Variants in IL7 observed in about 807,000 individuals in gnomAD.
The protein encoded by IL7 is interleukin-7.
Under a neutral mutation model 21.6 loss-of-function variants are expected in IL7, and 3 were observed. The ratio of observed to expected loss-of-function variants is 0.14; its 90% CI spans 0.06 to 0.36. IL7 has a LOEUF of 0.36. IL7 is among the 10% of genes least tolerant of loss of function. The probability of loss-of-function intolerance (pLI) is 1.00; values close to 1 mark genes in which losing one functional copy is unlikely to be tolerated. For synonymous variants in IL7, 62 were observed against 68.1 expected (o/e 0.91, Z 0.44); for missense variants, 175 against 200.2 (o/e 0.87, Z 0.76).
At chr8:78,714,001 ACT>A (rs778305975), downstream of IL7, among the ~76,000 whole-genome samples, 1 of 152,096 alleles carries the variant, frequency 6.6e-6, no homozygotes, top group Non-Finnish European at 1.5e-5. Context: ...ATTTTAGGGT[ACT>A]CTCTCCTACT....
downstream of IL7, among the ~76,000 whole-genome samples, chr8:78,731,618 A>G (rs1200880333): frequency 2.0e-5 from 3 of 152,066 alleles, no homozygotes; most frequent in Admixed American, 1.3e-4. Flanking sequence ...GCATTTAAAT[A>G]TATATTTAAA....
intron 3 of IL7, among the ~76,000 whole-genome samples, chr8:78,687,873 A>T (rs1260567116): frequency 7.5e-6 from 1 of 134,206 alleles, no homozygotes; most frequent in Non-Finnish European, 1.6e-5. Context: ...TCTATATAAT[A>T]AATATATATT....
chr8:78,678,460 ATTTGGTCTCAGAT>A (rs1809656325), intron 4 of IL7: 2 of 805,750 alleles, frequency 2.5e-6, no homozygotes, highest in African/African-American at 3.5e-5. Context: ...CAGGTTTTTC[ATTTGGTCTCAGAT>A]TTTTAAACTG....
chr8:78,775,065 T>C (rs1813088159), intron 2 of IL7, among the ~76,000 whole-genome samples: 1 of 152,162 alleles, frequency 6.6e-6, no homozygotes, highest in African/African-American at 2.4e-5. Flanking sequence ...CATTTATTTT[T>C]CTGGAGGTAA....
intron 2 of IL7, among the ~76,000 whole-genome samples, chr8:78,764,454 G>A (rs926072352): frequency 7.1e-4 from 108 of 152,022 alleles, no homozygotes; most frequent in Non-Finnish European, 7.4e-5. Context: ...TGGTAAAAAA[G>A]TCTCTGATAA....
intron 4 of IL7, among the ~76,000 whole-genome samples, chr8:78,682,122 A>T (rs547892453): frequency 6.6e-6 from 1 of 152,240 alleles, no homozygotes; most frequent in South Asian, 2.1e-4. Context: ...TAGTAGGAAT[A>T]GTTGGGTATC....
At chr8:78,717,939 T>G (rs1302460175) in exon 7 of IL7, 1 of 152,936 alleles carries the variant, frequency 6.5e-6, no homozygotes, top group African/African-American at 2.4e-5. Flanking sequence ...GTAGGATAGA[T>G]GCTGGGAATT....
intron 2 of IL7, among the ~76,000 whole-genome samples, chr8:78,775,902 T>C (rs1013020344): frequency 6.6e-6 from 1 of 152,004 alleles, no homozygotes; most frequent in East Asian, 1.9e-4. Context: ...TAAATAAATA[T>C]TTAGTGGTTA....
At chr8:78,728,756 C>T (rs1363556303), downstream of IL7, among the ~76,000 whole-genome samples, 1 of 151,930 alleles carries the variant, frequency 6.6e-6, no homozygotes, top group Non-Finnish European at 1.5e-5. Context: ...TCACTGGCAT[C>T]TAATGGGTGC....
intron 5 of IL7, among the ~76,000 whole-genome samples, chr8:78,720,442 TACTC>T (rs1435068282): frequency 6.6e-6 from 1 of 151,858 alleles, no homozygotes; most frequent in African/African-American, 2.4e-5. Flanking sequence ...AGTTAAATGT[TACTC>T]AATGCTCCTC....
intron 1 of IL7, 88 bp from the exon 2 acceptor site, chr8:78,798,296 C>A (rs1813931097): frequency 2.3e-6 from 2 of 876,162 alleles, no homozygotes; most frequent in East Asian, 2.7e-5. Flanking sequence ...CCACTAATTT[C>A]TAATAATTTT....
At chr8:78,693,567 T>A (rs372171112) in intron 3 of IL7, among the ~76,000 whole-genome samples, 3 of 152,114 alleles carry the variant, frequency 2.0e-5, no homozygotes, top group Non-Finnish European at 4.4e-5. Context: ...TTGCCCACTT[T>A]TTGATGGGGT....
intron 3 of IL7, among the ~76,000 whole-genome samples, chr8:78,706,376 G>A (rs551691855): frequency 1.3e-5 from 2 of 152,228 alleles, no homozygotes; most frequent in East Asian, 3.9e-4. Context: ...GGAGTTCCTG[G>A]GTCTTTGCCT....
chr8:78,730,615 G>C (rs987828440), downstream of IL7, among the ~76,000 whole-genome samples: 1 of 151,866 alleles, frequency 6.6e-6, no homozygotes, highest in Admixed American at 6.6e-5. Context: ...AATTATTGTA[G>C]AAATGTGTTT....
chr8:78,733,266 A>T lies in IL7; in HGVS notation c.*447T>A, dbSNP rs1264564612. ...CTCTAAAACATCTCCAGCACAGAAG[A>T]AGACAATTTTCACTCTTAATACAGT... On this transcript the variant is annotated 3_prime_UTR_variant, in exon 6 of 6. Coordinates refer to ENST00000263851, the MANE Select transcript of IL7 (RefSeq NM_000880.4). The T allele has an allele frequency of 1.3e-5, 2 of 153,066 alleles. No individual in the cohort carries two copies. Among genetic ancestry groups the T allele is most frequent in the African/African-American group, 4.8e-5 (2 of 41,438 alleles). The allele number at this position is 153,066 out of a possible 1,614,324, so 9.5% of individuals were successfully genotyped here. A position where few individuals can be genotyped will look rare whatever the true frequency, so the allele number is the denominator to read the frequency against.
intron 4 of IL7, chr8:78,678,495 A>G: frequency 8.1e-7 from 1 of 1,230,300 alleles, no homozygotes; most frequent in South Asian, 1.5e-5. Context: ...TCTCAATGTA[A>G]ATAAAGTTCT....
Position 78,696,659 on chromosome 8 carries a change from G to T in IL7, n.215-10712C>A, listed in dbSNP as rs1166255421. Among the ~76,000 whole-genome samples, 4 of 152,170 alleles carry T rather than the reference G, an allele frequency of 2.6e-5. No individual in the cohort carries two copies. The East Asian group carries it at 5.8e-4, about 22-fold the overall frequency. On this transcript the variant is annotated intron_variant and non_coding_transcript_variant, in intron 3 of 4. Coordinates refer to the IL7 transcript ENST00000523959. ...TCCAAGATAAGCTGAAAGATCTTAG[G>T]TCAATGCATACTCCATTAATTTAAG... is the stretch of plus-strand genomic sequence containing the variant.
intron 2 of IL7, chr8:78,746,908 C>A: frequency 2.7e-6 from 1 of 376,464 alleles, no homozygotes. Flanking sequence ...TTTCTGTATT[C>A]TTTGTGATAG....
rs1482701234 is a variant in IL7 at position 78,739,677 on chromosome 8, C to T, written c.228+325G>A. On this transcript the variant is annotated intron_variant, in intron 3 of 5. Coordinates refer to ENST00000263851, the MANE Select transcript of IL7 (RefSeq NM_000880.4). Reference sequence around the variant, plus strand: ...ACTACACTCCAGCCTGGTGACAGAGCGAAACTCTGCCTCCAAAAAAAAAAA... The same window carrying T: ...ACTACACTCCAGCCTGGTGACAGAGTGAAACTCTGCCTCCAAAAAAAAAAA... Among the ~76,000 whole-genome samples, 3 of 134,410 alleles carry T rather than the reference C, an allele frequency of 2.2e-5. No individual in the cohort carries two copies. In the East Asian group the frequency reaches 6.0e-4, roughly 27 times the overall value. The allele number at this position is 134,410 out of a possible 152,430, so 88.2% of individuals were successfully genotyped here. A position where few individuals can be genotyped will look rare whatever the true frequency, so the allele number is the denominator to read the frequency against.
Sources: gnomAD v4.1 joint callset for allele counts (sites outside exome capture counted in the v4.1 genomes callset) on GRCh38, gnomAD v4.1.1 for gene constraint, MANE v1.5 for transcripts, NCBI Gene and HGNC (gene_info 2026-07-23, HGNC 2026-07-21) for gene names.